The following ZNF548 variants were observed in gnomAD, a reference collection of about 807,000 sequenced individuals.
ZNF548 encodes the protein zinc finger protein 548.
A neutral mutation model predicts 10.2 loss-of-function variants in ZNF548; 10 were observed. The observed-to-expected ratio is 0.98, with a 90% CI of 0.60 to 1.66. The LOEUF (loss-of-function observed/expected upper bound fraction) is 1.66, where lower values mean the gene tolerates loss of function less well. Among genes scored for constraint, ZNF548 ranks in the 40% most tolerant of loss-of-function variants. ZNF548 has a pLI of 0.00. For missense variants in ZNF548, 599 were observed against 657.0 expected, an observed-to-expected ratio of 0.91 and a Z score of 0.97; for synonymous variants, 217 against 223.5, an observed-to-expected ratio of 0.97 and a Z score of 0.26.
Position 57,398,976 on chromosome 19 carries a change from G to T in ZNF548, c.725G>T (p.Cys242Phe). Reference protein sequence around the residue: ...TGERSYECNKCGKFFKYSANF... With the variant: ...TGERSYECNKFGKFFKYSANF... Reference sequence around the variant, plus strand: ...GAAAGGTCTTATGAATGTAACAAATGTGGGAAATTCTTTAAGTACAGTGCC... The same window carrying T: ...GAAAGGTCTTATGAATGTAACAAATTTGGGAAATTCTTTAAGTACAGTGCC... Residue 242 changes from cysteine to phenylalanine, a missense_variant, in exon 4 of 4, where the codon TGT becomes TTT. By Grantham distance (205) the Cys-to-Phe change is radical. Coordinates refer to ENST00000336128, the MANE Select transcript of ZNF548 (RefSeq NM_001172773.2). The T allele has an allele frequency of 6.2e-7, 1 of 1,614,066 alleles. No individual in the cohort carries two copies. The highest frequency in any genetic ancestry group is 8.5e-7 in the Non-Finnish European group (1 of 1,179,930).
Position 57,399,715 on chromosome 19 carries a change from TTA to T in ZNF548, c.1466_1467del (p.Tyr489Ter). ...HQKIHSGERPYECSECQKAFI... is the reference protein window; with the variant it reads ...HQKIHSGERPXECSECQKAFI... ...AGAAAATCCACAGTGGAGAAAGACC[TTA>T]TGAGTGCAGCGAATGCCAGAAGGCC... On this transcript the variant is annotated frameshift_variant, in exon 4 of 4. Transcript: ENST00000336128. LOFTEE classifies it low-confidence loss of function (END_TRUNC). This position sits in a 1 kb window ranked among gnomAD's most constrained non-coding sequence, Gnocchi z 4.0. 6.2e-7 allele frequency: 1 copy of T among 1,614,200 alleles called. No individual in the cohort carries two copies. Among genetic ancestry groups the T allele is most frequent in the Middle Eastern group, 1.7e-4 (1 of 6,060 alleles).
In ZNF548 at chr19:57,394,034, T is replaced by C. The variant is rs535553989; in HGVS notation, c.16-154T>C. On this transcript the variant is annotated intron_variant, in intron 1 of 3. Transcript: ENST00000336128. ...CTCAGGTGGGTTTGGTTCTTTTCCA[T>C]GGTCACAGAGCTGCAGCACTGAGGC... 539 of 778,906 alleles carry C rather than the reference T, an allele frequency of 6.9e-4. 10 individuals carry two copies. The South Asian group carries it at 7.2e-3, about 10-fold the overall frequency. The allele number at this position is 778,906 out of a possible 1,614,324, so 48.2% of individuals were successfully genotyped here.
rs2020178 is a variant in ZNF548, at chr19:57,395,012, A to C, written c.51+789A>C. On this transcript the variant is annotated intron_variant, in intron 2 of 3. Transcript: ENST00000336128. The surrounding 1 kb of genome is among the most constrained non-coding windows in gnomAD (Gnocchi z 4.8). ...GCCACAGATGTCTCAGAGACTCCTG[A>C]TGGAGGAGTTCAGGTTGGAGATGTC... 6.6e-6 allele frequency among the ~76,000 whole-genome samples: 1 copy of C among 151,718 alleles called. No homozygotes were observed. The highest frequency in any genetic ancestry group is 1.5e-5 in the Non-Finnish European group (1 of 68,024).
At position 57,389,945 on chromosome 19, in the gene ZNF548, G is replaced by C. The variant is rs760124907; in HGVS notation, c.-155G>C. 360 of 929,342 alleles carry C rather than the reference G, an allele frequency of 3.9e-4. No homozygotes were observed. Among genetic ancestry groups the C allele is most frequent in the Non-Finnish European group, 5.3e-4 (337 of 633,696 alleles). The allele number at this position is 929,342 out of a possible 1,614,324, so 57.6% of individuals were successfully genotyped here. A position where few individuals can be genotyped will look rare whatever the true frequency, so the allele number is the denominator to read the frequency against. ...TATGGCTCTGTCTGACGTCACCGAA[G>C]TGACGGAACGGAAAAGCGCGAGAAG... On this transcript the variant is annotated 5_prime_UTR_variant, in exon 1 of 4. Transcript: ENST00000336128.
At chr19:57,397,378 C>A in intron 3 of ZNF548, 1 of 762,990 alleles carries the variant, frequency 1.3e-6, no homozygotes, top group Non-Finnish European at 1.9e-6. Flanking sequence ...TGCTCTGAGG[C>A]TTACAAGAAA....
At chr19:57,397,264 C>A (rs764174763) in intron 3 of ZNF548, 90 bp downstream of exon 3, 1 of 1,439,318 alleles carries the variant, frequency 6.9e-7, no homozygotes, top group Non-Finnish European at 9.2e-7. Context: ...ACAGTGAGAC[C>A]GTGGGTGCTG....
chr19:57,400,057 G>T lies in ZNF548; in HGVS notation c.*168G>T. The T allele has an allele frequency of 1.7e-6, 1 of 584,484 alleles. No homozygotes were observed. The allele number at this position is 584,484 out of a possible 1,614,324, so 36.2% of individuals were successfully genotyped here. On this transcript the variant is annotated 3_prime_UTR_variant, in exon 4 of 4. Transcript: ENST00000336128. ...CTCAACTATATTTCTATACTCTATG[G>T]TACTTATATGAGGTACCAATAGATA...
intron 2 of ZNF548, 171 bp from the exon 3 acceptor site, chr19:57,396,877 T>C: frequency 1.1e-6 from 1 of 943,304 alleles, no homozygotes; most frequent in Non-Finnish European, 1.6e-6. Flanking sequence ...CGGGAAATAT[T>C]GGCTTGGTTT....
chr19:57,394,711 G>A (rs55795647), intron 2 of ZNF548, among the ~76,000 whole-genome samples: 14,198 of 152,142 alleles, frequency 0.093, 894 homozygotes, highest in South Asian at 0.16. Flanking sequence ...TGGAGGTGAG[G>A]GTAATGGAAG....
Position 57,395,085 on chromosome 19 carries a change from G to T in ZNF548, c.51+862G>T, listed in dbSNP as rs557486102. ...GGACCAGGATGAAGCCATGGATTCA[G>T]TTTAGGTGACAGCATCTCTAGGTTA... On this transcript the variant is annotated intron_variant, in intron 2 of 3. Coordinates refer to ENST00000336128, the MANE Select transcript of ZNF548 (RefSeq NM_001172773.2). The surrounding 1 kb of genome is among the most constrained non-coding windows in gnomAD (Gnocchi z 4.8). Among the ~76,000 whole-genome samples the T allele has an allele frequency of 1.1e-3, 172 of 152,116 alleles. 1 individual carries two copies. The highest frequency in any genetic ancestry group is 1.9e-3 in the Non-Finnish European group (132 of 68,030).
chr19:57,402,291 G>C lies in ZNF548; in HGVS notation c.*2402G>C, dbSNP rs914521217. ...AGTACCACACATTTTAGGTGTGTGT[G>C]TGTGAGACTCAGTGTTGAGGACAAG... On this transcript the variant is annotated 3_prime_UTR_variant, in exon 4 of 4. Coordinates refer to ENST00000336128, the MANE Select transcript of ZNF548 (RefSeq NM_001172773.2). 2 of 152,202 alleles carry C rather than the reference G, an allele frequency of 1.3e-5. No individual in the cohort carries two copies. Among genetic ancestry groups the C allele is most frequent in the African/African-American group, 4.8e-5 (2 of 41,442 alleles). The allele number at this position is 152,202 out of a possible 1,614,324, so 9.4% of individuals were successfully genotyped here. A position where few individuals can be genotyped will look rare whatever the true frequency, so the allele number is the denominator to read the frequency against.
chr19:57,398,201 T>A (rs2088680808), intron 3 of ZNF548, among the ~76,000 whole-genome samples: 1 of 152,190 alleles, frequency 6.6e-6, no homozygotes, highest in Non-Finnish European at 1.5e-5. Context: ...GCCTTCTCTC[T>A]CTGTACCATA....
intron 1 of ZNF548, among the ~76,000 whole-genome samples, chr19:57,392,601 G>A (rs2088634806): frequency 6.6e-6 from 1 of 152,188 alleles, no homozygotes; most frequent in African/African-American, 2.4e-5. Context: ...CTATAGATAT[G>A]TGGCTTTATT....
chr19:57,397,436 C>T (rs2088675255), intron 3 of ZNF548: 4 of 441,602 alleles, frequency 9.1e-6, no homozygotes, highest in Non-Finnish European at 1.6e-5. Flanking sequence ...ACCCCACCAG[C>T]CTTGTCTGTC....
Position 57,398,869 on chromosome 19 carries a change from A to G in ZNF548, c.618A>G (p.Gln206=), listed in dbSNP as rs2088688458. 2.5e-6 allele frequency: 4 copies of G among 1,614,066 alleles called. No homozygotes were observed. Among genetic ancestry groups the G allele is most frequent in the Non-Finnish European group, 3.4e-6 (4 of 1,179,900 alleles). The change falls in exon 4 of 4, where the codon CAA becomes CAG. Residue 206 remains glutamine, a synonymous_variant. Transcript: ENST00000336128. ...ACAGAGAAGCCTTTCAGACTGGACA[A>G]AATGATTACAAATGTAGTGAATGTG... ...TEDREAFQTG[Q]NDYKCSECGK...
chr19:57,397,429 C>T lies in ZNF548; in HGVS notation c.178+255C>T, dbSNP rs1440890972. The stretch of plus-strand genomic sequence containing the variant: ...AAATGTTGAATTTGGCATAGAGACC[C>T]CACCAGCCTTGTCTGTCCCTGGTCA... On this transcript the variant is annotated intron_variant, in intron 3 of 3. Coordinates refer to ENST00000336128, the MANE Select transcript of ZNF548 (RefSeq NM_001172773.2). 1.3e-5 allele frequency: 6 copies of T among 455,716 alleles called. No individual in the cohort carries two copies. In the East Asian group the frequency reaches 2.0e-4, roughly 15 times the overall value. 28.2% of individuals were successfully genotyped at this position (455,716 alleles called of 1,614,324 possible).
At position 57,399,996 on chromosome 19, in the gene ZNF548, A is replaced by G. The variant is rs754363677; in HGVS notation, c.*107A>G. The G allele has an allele frequency of 9.2e-6, 8 of 867,826 alleles. No homozygotes were observed. Among genetic ancestry groups the G allele is most frequent in the Admixed American group, 2.9e-5 (1 of 34,440 alleles). 53.8% of individuals were successfully genotyped at this position (867,826 alleles called of 1,614,324 possible). On this transcript the variant is annotated 3_prime_UTR_variant, in exon 4 of 4. Transcript: ENST00000336128. This position sits in a 1 kb window ranked among gnomAD's most constrained non-coding sequence, Gnocchi z 4.0. Reference sequence around the variant, plus strand: ...AAGTAAAATGCTGTACCCATTAACAACAACTCATTCCCCTTCCCTACTTCC... The same window carrying G: ...AAGTAAAATGCTGTACCCATTAACAGCAACTCATTCCCCTTCCCTACTTCC...
rs2088688746 is a variant in ZNF548 at position 57,398,891 on chromosome 19, T to C, written c.640T>C (p.Cys214Arg). Residue 214 changes from cysteine (C) to arginine (R), a missense_variant, in exon 4 of 4, where the codon TGT becomes CGT. Coordinates refer to ENST00000336128, the MANE Select transcript of ZNF548 (RefSeq NM_001172773.2). Reference sequence around the variant, plus strand: ...ACAAAATGATTACAAATGTAGTGAATGTGGGAAAACCTTCACCTGCAGCTA... The same window carrying C: ...ACAAAATGATTACAAATGTAGTGAACGTGGGAAAACCTTCACCTGCAGCTA... ...TGQNDYKCSECGKTFTCSYSF... is the reference protein window; with the variant it reads ...TGQNDYKCSERGKTFTCSYSF... The C allele has an allele frequency of 1.2e-6, 2 of 1,614,034 alleles. No individual in the cohort carries two copies. The highest frequency in any genetic ancestry group is 1.7e-6 in the Non-Finnish European group (2 of 1,179,906).
chr19:57,397,314 C>T, intron 3 of ZNF548, 140 bp downstream of exon 3: 1 of 1,299,894 alleles, frequency 7.7e-7, no homozygotes, highest in Non-Finnish European at 1.0e-6. Context: ...CTGTGGGAGG[C>T]AGGGCTGGGC....
Sources: allele counts gnomAD v4.1 joint callset (sites outside exome capture counted in the v4.1 genomes callset), GRCh38; gene constraint gnomAD v4.1.1; non-coding constraint Gnocchi (gnomAD v3.1); transcripts MANE v1.5; gene names NCBI Gene and HGNC (gene_info 2026-07-23, HGNC 2026-07-21).